Variants in KRABD4 observed in about 807,000 individuals in gnomAD.
The protein encoded by KRABD4 is KRAB domain-containing protein 4.
chrX:46,473,039 G>T, the KRABD4 span: 24 of 1,208,481 alleles, frequency 2.0e-5, no homozygotes, highest in Admixed American at 8.8e-5. Flanking sequence ...TGGAAAGTAT[G>T]CTTCCATTAT....
At chrX:46,468,834 CTG>C in the KRABD4 span, among the ~76,000 whole-genome samples, 1 of 111,509 alleles carries the variant, frequency 9.0e-6, no homozygotes, top group Non-Finnish European at 1.9e-5. Flanking sequence ...ATGTGTCACT[CTG>C]TACACCAATA....
chrX:46,455,390 T>C, the KRABD4 span: 1 of 463,649 alleles, frequency 2.2e-6, no homozygotes. Flanking sequence ...AGTGGATCTT[T>C]GTCGGCAATG....
the KRABD4 span, chrX:46,463,515 C>T: frequency 3.2e-4 from 148 of 466,690 alleles, no homozygotes; most frequent in African/African-American, 7.4e-4. Flanking sequence ...AGATTGTGGC[C>T]ACTTGTTCTG....
the KRABD4 span, among the ~76,000 whole-genome samples, chrX:46,470,560 T>C: frequency 8.1e-5 from 9 of 111,152 alleles, no homozygotes; most frequent in African/African-American, 2.9e-4. Flanking sequence ...ACCAAATGGA[T>C]GTACCACAGT....
At chrX:46,473,652 A>AAT in the KRABD4 span, 1 of 228,049 alleles carries the variant, frequency 4.4e-6, no homozygotes. Context: ...CAAATCAGTG[A>AAT]ATCTTTTTTT....
chrX:46,459,452 T>C, the KRABD4 span, among the ~76,000 whole-genome samples: 1 of 112,040 alleles, frequency 8.9e-6, no homozygotes, highest in Non-Finnish European at 1.9e-5. Context: ...AACTTTTAAC[T>C]TATCTATCAT....
At chrX:46,458,687 G>T in the KRABD4 span, among the ~76,000 whole-genome samples, 1 of 111,565 alleles carries the variant, frequency 9.0e-6, no homozygotes, top group Admixed American at 9.5e-5. Context: ...GCATTGATAG[G>T]ACTCCATCCT....
At chrX:46,448,647 G>A in the KRABD4 span, 1 of 113,468 alleles carries the variant, frequency 8.8e-6, no homozygotes, top group Non-Finnish European at 1.9e-5. Context: ...AGGGACAGGT[G>A]AAAGTCACAG....
At chrX:46,462,620 C>G in the KRABD4 span, 1 of 1,124,236 alleles carries the variant, frequency 8.9e-7, no homozygotes, top group African/African-American at 1.8e-5. Context: ...AGGCTCTGTG[C>G]ACCTCACGCT....
At chrX:46,456,727 G>C in the KRABD4 span, 10 of 278,168 alleles carry the variant, frequency 3.6e-5, no homozygotes, top group East Asian at 7.2e-4. Context: ...AGGGAGCAAA[G>C]TGTTGGAAGG....
At chrX:46,448,368 G>A in the KRABD4 span, 1 of 112,555 alleles carries the variant, frequency 8.9e-6, no homozygotes, top group Non-Finnish European at 1.9e-5. Context: ...CTCAACTGGG[G>A]CGTGTTTGTC....
chrX:46,462,814 G>T, the KRABD4 span: 1 of 1,211,843 alleles, frequency 8.3e-7, no homozygotes, highest in African/African-American at 1.7e-5. Flanking sequence ...ACTGGACTCT[G>T]CCCAGAAGAA....
At chrX:46,467,559 A>AAAT in the KRABD4 span, among the ~76,000 whole-genome samples, 13 of 110,419 alleles carry the variant, frequency 1.2e-4, no homozygotes, top group Admixed American at 1.9e-4. Flanking sequence ...TGTCTCTCAA[A>AAAT]AATAATAATA....
chrX:46,469,261 C>T, the KRABD4 span, among the ~76,000 whole-genome samples: 20 of 112,386 alleles, frequency 1.8e-4, no homozygotes, highest in Non-Finnish European at 3.8e-4. Flanking sequence ...GGGATTTTGA[C>T]ATTGCATGGA....
chrX:46,468,494 C>T, the KRABD4 span, among the ~76,000 whole-genome samples: 66 of 110,512 alleles, frequency 6.0e-4, 1 homozygote, highest in Admixed American at 5.4e-3. Flanking sequence ...CACTGCTGTA[C>T]TCCAGCGCTC....
At chrX:46,462,528 A>T in the KRABD4 span, 1 of 505,307 alleles carries the variant, frequency 2.0e-6, no homozygotes, top group Non-Finnish European at 3.1e-6. Flanking sequence ...AAAAAGAAAG[A>T]AAGGCCATTG....
the KRABD4 span, among the ~76,000 whole-genome samples, chrX:46,453,378 C>T: frequency 9.0e-6 from 1 of 111,647 alleles, no homozygotes; most frequent in South Asian, 3.7e-4. Context: ...GATCAAATAC[C>T]TAAATATATA....
At chrX:46,459,034 C>T in the KRABD4 span, among the ~76,000 whole-genome samples, 2,129 of 111,789 alleles carry the variant, frequency 0.019, 14 homozygotes, top group South Asian at 0.046. Flanking sequence ...TAGGAGCAGC[C>T]GGGCATGGTG....
the KRABD4 span, chrX:46,462,329 G>C: frequency 6.7e-6 from 1 of 149,098 alleles, no homozygotes; most frequent in Non-Finnish European, 1.3e-5. Context: ...GGCCAATATG[G>C]TGAAACTCCG....
Sources: gnomAD v4.1 joint callset for allele counts (sites outside exome capture counted in the v4.1 genomes callset) on GRCh38, gnomAD v4.1.1 for gene constraint, MANE v1.5 for transcripts, NCBI Gene and HGNC (gene_info 2026-07-23, HGNC 2026-07-21) for gene names.